MMAA: variants seen among roughly 807,000 people sequenced by gnomAD.
MMAA encodes the protein metabolism of cobalamin associated A.
A neutral mutation model predicts 45.0 loss-of-function variants in MMAA; 41 were observed. The observed-to-expected ratio is 0.91, with a 90% CI of 0.71 to 1.18. The LOEUF is 1.18. Ranked by LOEUF, MMAA falls within the 50% of genes most tolerant of loss-of-function variation. The pLI is 0.00. For missense variants in MMAA, 460 were observed against 495.7 expected (o/e 0.93, Z 0.68); for synonymous variants, 154 against 178.2 (o/e 0.86, Z 1.08).
intron 1 of MMAA, among the ~76,000 whole-genome samples, chr4:145,620,181 C>G (rs889739452): frequency 2.0e-5 from 3 of 152,196 alleles, no homozygotes; most frequent in Admixed American, 2.0e-4. Flanking sequence ...TATTCTTTTA[C>G]AATAATTTTG....
At chr4:145,636,686 C>T (rs1578875703) in intron 1 of MMAA, among the ~76,000 whole-genome samples, 1 of 152,212 alleles carries the variant, frequency 6.6e-6, no homozygotes, top group African/African-American at 2.4e-5. Context: ...ATTTCAGACT[C>T]GGTCTTGACT....
In MMAA at chr4:145,639,364, A is replaced by G; in HGVS notation, c.225A>G (p.Thr75=). The G allele has an allele frequency of 6.2e-7, 1 of 1,614,236 alleles. No homozygotes were observed. Among genetic ancestry groups the G allele is most frequent in the Non-Finnish European group, 8.5e-7 (1 of 1,180,046 alleles). ...LCVQTTLKDH[T]EGLSDKEQRF... ...TACAAACAACCTTAAAGGACCACAC[A>G]GAAGGACTTTCTGATAAAGAGCAAA... The change falls in exon 2 of 7, where the codon ACA becomes ACG. Residue 75 remains threonine (T), a synonymous_variant. Transcript: ENST00000649156.
At chr4:145,629,348 G>A (rs908036761) in intron 1 of MMAA, among the ~76,000 whole-genome samples, 8 of 151,950 alleles carry the variant, frequency 5.3e-5, no homozygotes, top group African/African-American at 1.9e-4. Context: ...GCCAGGATGG[G>A]ATTTGTATAT....
At chr4:145,644,615 T>C (rs974974591) in intron 3 of MMAA, among the ~76,000 whole-genome samples, 1 of 152,240 alleles carries the variant, frequency 6.6e-6, no homozygotes, top group African/African-American at 2.4e-5. Flanking sequence ...TAAGTATTGA[T>C]GTTTGTCAAA....
chr4:145,633,186 A>ATTTCTT (rs1427865311), intron 1 of MMAA, among the ~76,000 whole-genome samples: 9 of 122,520 alleles, frequency 7.3e-5, no homozygotes, highest in African/African-American at 2.6e-4. Flanking sequence ...GGTATCTTGA[A>ATTTCTT]TTTCTTTTTC....
intron 2 of MMAA, among the ~76,000 whole-genome samples, chr4:145,640,437 A>C (rs2126618251): frequency 6.6e-6 from 1 of 152,242 alleles, no homozygotes; most frequent in East Asian, 1.9e-4. Flanking sequence ...TCTATCACCC[A>C]GGCTGGAATG....
At chr4:145,639,641 TA>T (rs533009455) in intron 2 of MMAA, 63 bp downstream of exon 2, 9 of 1,542,618 alleles carry the variant, frequency 5.8e-6, no homozygotes, top group South Asian at 2.5e-5. Flanking sequence ...TTCTGTTTTT[TA>T]AAAAAAAGTC....
intron 4 of MMAA, among the ~76,000 whole-genome samples, chr4:145,648,923 G>A (rs1481119580): frequency 6.6e-6 from 1 of 152,040 alleles, no homozygotes; most frequent in Non-Finnish European, 1.5e-5. Context: ...GGAGTCTGAG[G>A]CTGCAGTGAG....
intron 2 of MMAA, among the ~76,000 whole-genome samples, chr4:145,640,572 A>G (rs56824780): frequency 6.6e-6 from 1 of 151,484 alleles, no homozygotes; most frequent in Non-Finnish European, 1.5e-5. Context: ...CCAGGCTGGT[A>G]TCAAACTCCT....
rs371779800 is a variant in MMAA, at chr4:145,639,314, G to C, written c.175G>C (p.Asp59His). 4.0e-5 allele frequency: 65 copies of C among 1,614,016 alleles called. No individual in the cohort carries two copies. Among genetic ancestry groups the C allele is most frequent in the Non-Finnish European group, 5.2e-5 (61 of 1,180,042 alleles). Residue 59 changes from aspartate (D) to histidine (H), a missense_variant, in exon 2 of 7, where the codon GAT (aspartate) becomes CAT (histidine). Coordinates refer to ENST00000649156, the MANE Select transcript of MMAA (RefSeq NM_172250.3). ...TTGTACAAAGTGGATGCTGCTGTCA[G>C]ATGGCTTAAAGAGAAAATTATGTGT... Reference protein sequence around the residue: ...LHCTKWMLLSDGLKRKLCVQT... With the variant: ...LHCTKWMLLSHGLKRKLCVQT...
intron 1 of MMAA, chr4:145,625,542 T>C: frequency 1.3e-6 from 1 of 751,624 alleles, no homozygotes; most frequent in South Asian, 1.3e-5. Flanking sequence ...AGCCATCAAG[T>C]GCTCAGAAAT....
rs770942394 is a variant in MMAA, at chr4:145,655,140, T to C, written c.970-7T>C. 6 of 1,614,002 alleles carry C rather than the reference T, an allele frequency of 3.7e-6. No individual in the cohort carries two copies. In the South Asian group the frequency reaches 5.5e-5, roughly 15 times the overall value. The stretch of plus-strand genomic sequence containing the variant: ...GTAAAATGGTCTGGTTCTTCCCTTT[T>C]CGATAGGTAATTCGTATTTCTGCCC... On this transcript the variant is annotated splice_polypyrimidine_tract_variant and splice_region_variant and intron_variant, in intron 6 of 6. Transcript: ENST00000649156.
chr4:145,650,815 G>C (rs1315592800), intron 4 of MMAA: 5 of 518,700 alleles, frequency 9.6e-6, no homozygotes, highest in Non-Finnish European at 1.7e-5. Flanking sequence ...GGAGAGGATG[G>C]AAGCCTTTAG....
chr4:145,648,058 A>C (rs924411072), intron 4 of MMAA, among the ~76,000 whole-genome samples: 1 of 137,046 alleles, frequency 7.3e-6, no homozygotes, highest in East Asian at 2.1e-4. Flanking sequence ...ACAGGGTTTC[A>C]CCGTGTTAGC....
At chr4:145,627,127 T>C (rs17020454) in intron 1 of MMAA, among the ~76,000 whole-genome samples, 2,391 of 152,274 alleles carry the variant, frequency 0.016, 60 homozygotes, top group African/African-American at 0.055. Flanking sequence ...CTGAGAAAGA[T>C]TGCAATTAAA....
intron 2 of MMAA, 31 bp downstream of exon 2, chr4:145,639,609 A>G (rs775474779): frequency 1.9e-5 from 30 of 1,588,122 alleles, no homozygotes; most frequent in Non-Finnish European, 2.6e-5. Context: ...TTCTCAGTAA[A>G]TATTTTTACA....
At chr4:145,631,098 A>G (rs1424435782) in intron 1 of MMAA, among the ~76,000 whole-genome samples, 2 of 152,220 alleles carry the variant, frequency 1.3e-5, no homozygotes, top group African/African-American at 4.8e-5. Context: ...TGATCCATGT[A>G]CCAAAGAGAA....
Position 145,658,577 on chromosome 4 carries a change from A to T in MMAA, c.*3143A>T, listed in dbSNP as rs1560805037. ...AACAAGGCATTTTCTCTTCAGAATC[A>T]CTCGATCATATGGCCATTTCCCTAA... On this transcript the variant is annotated 3_prime_UTR_variant, in exon 7 of 7. Transcript: ENST00000649156. 6.6e-6 allele frequency: 1 copy of T among 151,854 alleles called. No homozygotes were observed. Among genetic ancestry groups the T allele is most frequent in the Non-Finnish European group, 1.5e-5 (1 of 67,998 alleles). 9.4% of individuals were successfully genotyped at this position (151,854 alleles called of 1,614,324 possible).
At chr4:145,633,188 T>A (rs1560793240) in intron 1 of MMAA, among the ~76,000 whole-genome samples, 1 of 143,280 alleles carries the variant, frequency 7.0e-6, no homozygotes, top group Non-Finnish European at 1.5e-5. Context: ...TATCTTGAAT[T>A]TCTTTTTCTT....
Sources: allele counts gnomAD v4.1 joint callset (sites outside exome capture counted in the v4.1 genomes callset), GRCh38; gene constraint gnomAD v4.1.1; transcripts MANE v1.5; gene names NCBI Gene and HGNC (gene_info 2026-07-23, HGNC 2026-07-21).